The following CABCOCO1 variants were observed in gnomAD, a reference collection of about 807,000 sequenced individuals.
CABCOCO1 encodes ciliary associated calcium binding coiled-coil 1.
CABCOCO1 carries 28 observed loss-of-function variants against 35.7 expected under a neutral mutation model. That is an observed-to-expected ratio of 0.78 (90% CI 0.58 to 1.07). CABCOCO1 has a LOEUF of 1.07. Among genes scored for constraint, CABCOCO1 ranks in the 50% least tolerant of loss-of-function variants. The pLI is 0.00. For synonymous variants in CABCOCO1, 95 were observed against 100.1 expected (o/e 0.95, Z 0.30); for missense variants, 326 against 309.2 (o/e 1.05, Z -0.41).
At chr10:61,705,136 G>GATCAGTAGCA (rs1840563324) in intron 5 of CABCOCO1, among the ~76,000 whole-genome samples, 1 of 152,168 alleles carries the variant, frequency 6.6e-6, no homozygotes, top group African/African-American at 2.4e-5. Flanking sequence ...AGTCTTTTGT[G>GATCAGTAGCA]AGCAAGACTT....
intron 5 of CABCOCO1, among the ~76,000 whole-genome samples, chr10:61,740,011 C>T (rs1841514875): frequency 6.6e-6 from 1 of 152,136 alleles, no homozygotes; most frequent in Non-Finnish European, 1.5e-5. Context: ...ACTTGAGAAG[C>T]TAAGACAAAC....
chr10:61,674,644 G>A (rs1337340275), intron 2 of CABCOCO1, among the ~76,000 whole-genome samples: 2 of 152,116 alleles, frequency 1.3e-5, no homozygotes. Flanking sequence ...AGTCTACAAA[G>A]TTATAAGCCT....
At chr10:61,666,029 G>T (rs1173814577) in intron 1 of CABCOCO1, among the ~76,000 whole-genome samples, 1 of 152,178 alleles carries the variant, frequency 6.6e-6, no homozygotes, top group Non-Finnish European at 1.5e-5. Context: ...CTCTTAAAGT[G>T]TTATCACATC....
chr10:61,744,058 C>T (rs1054339224), intron 5 of CABCOCO1, among the ~76,000 whole-genome samples: 4 of 152,072 alleles, frequency 2.6e-5, no homozygotes, highest in Admixed American at 6.6e-5. Context: ...GACCTAGTAC[C>T]GTACTTGGCT....
chr10:61,663,923 C>G (rs1055921335), intron 1 of CABCOCO1, among the ~76,000 whole-genome samples: 2 of 152,022 alleles, frequency 1.3e-5, no homozygotes, highest in African/African-American at 4.8e-5. Context: ...GGTGAATAAT[C>G]ATGTCTTAAT....
chr10:61,710,003 T>C (rs1840689672), intron 5 of CABCOCO1, among the ~76,000 whole-genome samples: 1 of 152,056 alleles, frequency 6.6e-6, no homozygotes, highest in Non-Finnish European at 1.5e-5. Flanking sequence ...CTTTACATAA[T>C]TTGTAAATTT....
chr10:61,706,743 G>A (rs1840601419), intron 5 of CABCOCO1, among the ~76,000 whole-genome samples: 1 of 152,084 alleles, frequency 6.6e-6, no homozygotes, highest in African/African-American at 2.4e-5. Context: ...GCCTGGGTGG[G>A]AGAAAGCTTG....
intron 2 of CABCOCO1, among the ~76,000 whole-genome samples, chr10:61,680,720 A>G (rs1182645088): frequency 9.5e-6 from 1 of 105,584 alleles, no homozygotes; most frequent in Non-Finnish European, 1.8e-5. Flanking sequence ...TGTATAACAT[A>G]TATATTATAT....
chr10:61,675,179 C>A (rs767755709), intron 2 of CABCOCO1, among the ~76,000 whole-genome samples: 1 of 152,166 alleles, frequency 6.6e-6, no homozygotes, highest in Admixed American at 6.5e-5. Flanking sequence ...TTCTCTTTCC[C>A]TACGTTCTTT....
chr10:61,728,031 C>T (rs1044253601), intron 5 of CABCOCO1, among the ~76,000 whole-genome samples: 5 of 152,156 alleles, frequency 3.3e-5, no homozygotes, highest in Non-Finnish European at 7.4e-5. Context: ...ACGCTTAAAA[C>T]CTGTGGGTTA....
intron 5 of CABCOCO1, among the ~76,000 whole-genome samples, chr10:61,693,701 C>T (rs1490734902): frequency 2.0e-5 from 3 of 151,996 alleles, no homozygotes; most frequent in Non-Finnish European, 4.4e-5. Context: ...GCAATTTGAA[C>T]TGGCTGGTCT....
intron 5 of CABCOCO1, among the ~76,000 whole-genome samples, chr10:61,749,825 T>TA (rs1181231910): frequency 6.6e-6 from 1 of 152,204 alleles, no homozygotes; most frequent in African/African-American, 2.4e-5. Flanking sequence ...TTAACCTCTT[T>TA]AAGCTTTTGG....
intron 5 of CABCOCO1, among the ~76,000 whole-genome samples, chr10:61,709,203 T>A (rs2132026711): frequency 6.6e-6 from 1 of 152,192 alleles, no homozygotes; most frequent in Admixed American, 6.6e-5. Flanking sequence ...CTACAAACCA[T>A]AAGAAGAAAC....
chr10:61,735,541 G>A (rs1238095520), intron 5 of CABCOCO1, among the ~76,000 whole-genome samples: 4 of 152,034 alleles, frequency 2.6e-5, no homozygotes, highest in African/African-American at 7.2e-5. Flanking sequence ...AAAAAGACGA[G>A]GGCCTTGCCT....
At chr10:61,737,963 T>G (rs1038051767) in intron 5 of CABCOCO1, among the ~76,000 whole-genome samples, 1 of 151,982 alleles carries the variant, frequency 6.6e-6, no homozygotes, top group African/African-American at 2.4e-5. Flanking sequence ...AAATAAAAAT[T>G]TTTTTAAATG....
At chr10:61,730,018 A>C (rs982636100) in intron 5 of CABCOCO1, among the ~76,000 whole-genome samples, 7 of 152,238 alleles carry the variant, frequency 4.6e-5, no homozygotes, top group African/African-American at 1.7e-4. Context: ...TTGTACCTAC[A>C]GTCAATAATG....
chr10:61,683,241 T>A (rs952894283), intron 3 of CABCOCO1, among the ~76,000 whole-genome samples: 2 of 152,056 alleles, frequency 1.3e-5, no homozygotes, highest in Non-Finnish European at 1.5e-5. Flanking sequence ...TGAAAATAGG[T>A]ATTGCAGTAT....
rs11269470 is a variant in CABCOCO1 at position 61,663,010 on chromosome 10, C to CA, written c.38_39insA (p.Thr15AsnfsTer10). 3.9e-5 allele frequency: 13 copies of CA among 337,390 alleles called. 1 individual carries two copies. Among genetic ancestry groups the CA allele is most frequent in the Non-Finnish European group, 6.9e-5 (11 of 159,408 alleles). 20.9% of individuals were successfully genotyped at this position (337,390 alleles called of 1,614,324 possible). ...ACGACTCCCTGGGGGCCGACCCCGGCGGGAACCACGCCCGAATCGGAGGTA... is the reference window on the plus strand; with the variant it reads ...ACGACTCCCTGGGGGCCGACCCCGGCAGGGAACCACGCCCGAATCGGAGGTA... On this transcript the variant is annotated frameshift_variant, in exon 1 of 8. Transcript: ENST00000648843. LOFTEE classifies it high-confidence loss of function.
At chr10:61,707,921 A>G (rs897560528) in intron 5 of CABCOCO1, among the ~76,000 whole-genome samples, 8 of 152,050 alleles carry the variant, frequency 5.3e-5, no homozygotes, top group African/African-American at 1.9e-4. Context: ...TTGGATTACC[A>G]TTAACGATTT....
Sources: gnomAD v4.1 joint callset for allele counts (sites outside exome capture counted in the v4.1 genomes callset) on GRCh38, gnomAD v4.1.1 for gene constraint, MANE v1.5 for transcripts, NCBI Gene and HGNC (gene_info 2026-07-23, HGNC 2026-07-21) for gene names.